Variants in PIK3CD observed in about 807,000 individuals in gnomAD.
The protein encoded by PIK3CD is phosphatidylinositol 4,5-bisphosphate 3-kinase catalytic subunit delta isoform.
Under a neutral mutation model 122.9 loss-of-function variants are expected in PIK3CD, and 20 were observed. That is an observed-to-expected ratio of 0.16 (90% CI 0.11 to 0.24). PIK3CD has a LOEUF of 0.24. Among genes scored for constraint, PIK3CD ranks in the 10% least tolerant of loss-of-function variants. The probability of loss-of-function intolerance (pLI) is 1.00; values close to 1 mark genes in which losing one functional copy is unlikely to be tolerated. For missense variants in PIK3CD, 787 were observed against 1,406.3 expected (o/e 0.56, Z 7.04); for synonymous variants, 596 against 593.4 (o/e 1.00, Z -0.06).
intron 2 of PIK3CD, among the ~76,000 whole-genome samples, chr1:9,709,040 T>G (rs142063138): frequency 0.012 from 1,781 of 151,920 alleles, 27 homozygotes; most frequent in Middle Eastern, 0.051. Context: ...TTTTTTCTTT[T>G]TTTTTTGAGA....
At chr1:9,666,696 T>A (rs1031181233) in intron 1 of PIK3CD, among the ~76,000 whole-genome samples, 5 of 152,116 alleles carry the variant, frequency 3.3e-5, no homozygotes, top group Admixed American at 1.3e-4. Context: ...AATTCTTTTT[T>A]AATTTTTATT....
rs932662990 is a variant in PIK3CD, at chr1:9,689,997, T to G, written c.-137-1470T>G. 6.6e-6 allele frequency among the ~76,000 whole-genome samples: 1 copy of G among 152,132 alleles called. No individual in the cohort carries two copies. Among genetic ancestry groups the G allele is most frequent in the Non-Finnish European group, 1.5e-5 (1 of 68,006 alleles). ...CCCCCCGGGGGTCAGGAATCCCAGG[T>G]TTCTCCGCTGCCGCCCTTGATGGGA... On this transcript the variant is annotated intron_variant, in intron 1 of 23. Transcript: ENST00000377346. The surrounding 1 kb of genome is among the most constrained non-coding windows in gnomAD (Gnocchi z 6.1).
chr1:9,646,298 G>C, the PIK3CD span, among the ~76,000 whole-genome samples: 2 of 152,134 alleles, frequency 1.3e-5, no homozygotes, highest in Admixed American at 6.5e-5. Context: ...CTCAGCCCCG[G>C]TAAGTTCATA....
At chr1:9,630,419 T>G in the PIK3CD span, among the ~76,000 whole-genome samples, 1 of 152,242 alleles carries the variant, frequency 6.6e-6, no homozygotes, top group Non-Finnish European at 1.5e-5. Context: ...TGTCCCTTCA[T>G]GACCACATCA....
chr1:9,675,019 TAAA>T (rs35270071), intron 1 of PIK3CD, among the ~76,000 whole-genome samples: 13 of 73,956 alleles, frequency 1.8e-4, no homozygotes, highest in South Asian at 3.9e-4. Flanking sequence ...CTGGGCAATG[TAAA>T]AAAAAAAAAA....
In PIK3CD at chr1:9,717,060, C is replaced by T. The variant is rs2100868354; in HGVS notation, c.882C>T (p.Pro294=). Residue 294 remains proline, a synonymous_variant, in exon 7 of 24, where the codon CCC becomes CCT. Transcript: ENST00000377346. The surrounding 1 kb of genome is among the most constrained non-coding windows in gnomAD (Gnocchi z 5.4). Reference sequence around the variant, plus strand: ...GGGATGAGCAGAGCAACCCTGCCCCCCAGGTCCAGAAACCGCGTGCCAAAC... The same window carrying T: ...GGGATGAGCAGAGCAACCCTGCCCCTCAGGTCCAGAAACCGCGTGCCAAAC... ...AMRDEQSNPA[P]QVQKPRAKPP... 1.9e-6 allele frequency: 3 copies of T among 1,614,004 alleles called. No homozygotes were observed. Among genetic ancestry groups the T allele is most frequent in the East Asian group, 4.5e-5 (2 of 44,886 alleles).
At chr1:9,696,798 A>G (rs1434557973) in intron 2 of PIK3CD, among the ~76,000 whole-genome samples, 1 of 151,614 alleles carries the variant, frequency 6.6e-6, no homozygotes, top group East Asian at 1.9e-4. Flanking sequence ...TAAAACTGTT[A>G]TTTAGAAATA....
chr1:9,683,037 CTTT>C (rs773555400), intron 1 of PIK3CD, among the ~76,000 whole-genome samples: 5 of 123,510 alleles, frequency 4.0e-5, no homozygotes, highest in Non-Finnish European at 8.4e-5. Flanking sequence ...GGCCCTGGAC[CTTT>C]TTTTTTTTTT....
the PIK3CD span, among the ~76,000 whole-genome samples, chr1:9,646,408 A>G: frequency 1.3e-5 from 2 of 152,240 alleles, no homozygotes; most frequent in Admixed American, 6.5e-5. Context: ...CCTCAATGAA[A>G]GGTGACCCGA....
chr1:9,688,712 C>T (rs1646068672), intron 1 of PIK3CD, among the ~76,000 whole-genome samples: 1 of 152,104 alleles, frequency 6.6e-6, no homozygotes, highest in South Asian at 2.1e-4. Flanking sequence ...CTTGAGGTCT[C>T]AGCTACACGG....
chr1:9,627,454 C>T, the PIK3CD span, among the ~76,000 whole-genome samples: 1 of 152,258 alleles, frequency 6.6e-6, no homozygotes. Flanking sequence ...TGCGCAGCTG[C>T]CTGCACGAAG....
At chr1:9,657,970 C>G (rs967889782) in intron 1 of PIK3CD, among the ~76,000 whole-genome samples, 2 of 148,080 alleles carry the variant, frequency 1.4e-5, no homozygotes, top group Middle Eastern at 3.2e-3. Flanking sequence ...AGGGCTGGGC[C>G]CCCCCCTTGC....
intron 3 of PIK3CD, among the ~76,000 whole-genome samples, chr1:9,713,879 G>A (rs1006792957): frequency 1.4e-5 from 2 of 146,468 alleles, no homozygotes; most frequent in African/African-American, 5.1e-5. Context: ...TTGAGACAGG[G>A]TCTTGCTCTG....
At chr1:9,673,992 G>A (rs1306773662) in intron 1 of PIK3CD, among the ~76,000 whole-genome samples, 2 of 152,198 alleles carry the variant, frequency 1.3e-5, no homozygotes, top group Non-Finnish European at 2.9e-5. Context: ...TCGACTCCAT[G>A]GCACCCCGGG....
At chr1:9,641,733 C>T in the PIK3CD span, among the ~76,000 whole-genome samples, 1 of 152,310 alleles carries the variant, frequency 6.6e-6, no homozygotes, top group East Asian at 1.9e-4. Context: ...GCCCATCGGT[C>T]ACAACCTGGG....
Position 9,667,175 on chromosome 1 carries a change from T to C in PIK3CD, c.-138+15373T>C, listed in dbSNP as rs144507700. On this transcript the variant is annotated intron_variant, in intron 1 of 23. Coordinates refer to ENST00000377346, the MANE Select transcript of PIK3CD (RefSeq NM_005026.5). ...CACTGCGCCCAGCCAAAAATTGTTTTTAAAAATTAGCTGGGCACAGTGGCA... is the reference window on the plus strand; with the variant it reads ...CACTGCGCCCAGCCAAAAATTGTTTCTAAAAATTAGCTGGGCACAGTGGCA... Among the ~76,000 whole-genome samples the C allele has an allele frequency of 6.6e-3, 997 of 152,154 alleles. 4 individuals are homozygous for C. The highest frequency in any genetic ancestry group is 0.014 in the Admixed American group (216 of 15,266).
Position 9,727,175 on chromosome 1 carries a change from T to TG in PIK3CD, c.*129_*130insG. 2 of 999,458 alleles carry TG rather than the reference T, an allele frequency of 2.0e-6. No homozygotes were observed. Among genetic ancestry groups the TG allele is most frequent in the Non-Finnish European group, 1.5e-6 (1 of 647,326 alleles). 61.9% of individuals were successfully genotyped at this position (999,458 alleles called of 1,614,324 possible). A position where few individuals can be genotyped will look rare whatever the true frequency, so the allele number is the denominator to read the frequency against. On this transcript the variant is annotated 3_prime_UTR_variant, in exon 24 of 24. Coordinates refer to ENST00000377346, the MANE Select transcript of PIK3CD (RefSeq NM_005026.5). ...AAAGAACCGACATGGCTGCCTTTTG[T>TG]TTACACTGGTTATTTATTTATGACT...
rs964552978 is a variant in PIK3CD at position 9,716,611 on chromosome 1, C to A, written c.772C>A (p.Gln258Lys). 6.4e-7 allele frequency: 1 copy of A among 1,558,462 alleles called. No individual in the cohort carries two copies. Among genetic ancestry groups the A allele is most frequent in the African/African-American group, 1.4e-5 (1 of 73,248 alleles). Residue 258 changes from glutamine (Q) to lysine (K), a missense_variant, in exon 6 of 24, where the codon CAG becomes AAG. Transcript: ENST00000377346. ...CCTGTATGGCAGCTACCCGCTCTGC[C>A]AGTTCCAGGTGAGGCCGCTGAGGCC... ...EYLYGSYPLC[Q>K]FQYICSCLHS...
chr1:9,654,248 G>C (rs780443724), intron 1 of PIK3CD: 1 of 1,367,602 alleles, frequency 7.3e-7, no homozygotes, highest in East Asian at 4.5e-5. Flanking sequence ...TCCCGACCAC[G>C]CAGATGTCCC....
Sources: allele counts gnomAD v4.1 joint callset (sites outside exome capture counted in the v4.1 genomes callset), GRCh38; gene constraint gnomAD v4.1.1; non-coding constraint Gnocchi (gnomAD v3.1); transcripts MANE v1.5; gene names NCBI Gene and HGNC (gene_info 2026-07-23, HGNC 2026-07-21).